The following AFF4 variants were observed in gnomAD, a reference collection of about 807,000 sequenced individuals.
AFF4 encodes AF4/FMR2 family member 4.
In AFF4, 13 loss-of-function variants were observed where a neutral mutation model predicts 124.8. The observed-to-expected ratio is 0.10, with a 90% CI of 0.07 to 0.17. The LOEUF (loss-of-function observed/expected upper bound fraction) is 0.17. AFF4 is among the 10% of genes least tolerant of loss of function. The pLI, the probability that AFF4 is intolerant of heterozygous loss-of-function variation, is 1.00. For missense variants in AFF4, 1,092 were observed against 1,403.8 expected, an observed-to-expected ratio of 0.78 and a Z score of 3.55; for synonymous variants, 477 against 496.1, an observed-to-expected ratio of 0.96 and a Z score of 0.51.
chr5:132,898,481 T>A (rs1237806726), intron 9 of AFF4, 89 bp from the exon 10 acceptor site: 5 of 1,371,644 alleles, frequency 3.6e-6, no homozygotes, highest in East Asian at 2.4e-5. Flanking sequence ...TTTCTTTTTT[T>A]CTTCTTGTCT....
intron 5 of AFF4, among the ~76,000 whole-genome samples, chr5:132,921,840 G>A (rs993674362): frequency 4.6e-5 from 7 of 151,972 alleles, no homozygotes; most frequent in Non-Finnish European, 1.0e-4. Context: ...GAGAGCAGTG[G>A]CATGATCTCT....
Position 132,881,205 on chromosome 5 carries a change from T to C in AFF4, c.3365-19A>G. The C allele has an allele frequency of 6.2e-7, 1 of 1,611,958 alleles. No individual in the cohort carries two copies. The highest frequency in any genetic ancestry group is 8.5e-7 in the Non-Finnish European group (1 of 1,178,804). ...AAGAATTCTAGAAAACCAAAAACAT[T>C]CATTAAATGATATATACTCTTTTGA... On this transcript the variant is annotated intron_variant, in intron 20 of 20. Coordinates refer to ENST00000265343, the MANE Select transcript of AFF4 (RefSeq NM_014423.4).
chr5:132,924,153 C>G (rs569900309), intron 5 of AFF4, among the ~76,000 whole-genome samples: 2 of 151,934 alleles, frequency 1.3e-5, no homozygotes, highest in African/African-American at 4.8e-5. Flanking sequence ...ACTTAGGAGG[C>G]TGAGGCAGGA....
intron 5 of AFF4, 50 bp from the exon 6 acceptor site, chr5:132,904,454 A>G: frequency 1.3e-6 from 2 of 1,486,774 alleles, no homozygotes; most frequent in Non-Finnish European, 1.8e-6. Context: ...AAAAAGAAAG[A>G]TTAGTGAAAA....
intron 1 of AFF4, among the ~76,000 whole-genome samples, chr5:132,954,332 C>T (rs1329954948): frequency 2.6e-5 from 4 of 152,214 alleles, no homozygotes; most frequent in Admixed American, 2.6e-4. Context: ...CGGCAGAGTT[C>T]CCTCGACCCC....
At position 132,881,044 on chromosome 5, in the gene AFF4, G is replaced by A; in HGVS notation, c.*15C>T. 8.7e-6 allele frequency: 14 copies of A among 1,608,656 alleles called. No homozygotes were observed. Among genetic ancestry groups the A allele is most frequent in the South Asian group, 2.2e-5 (2 of 89,840 alleles). ...TGTTGTGGAGAAAATCAGAGGCAAC[G>A]AGAATGTGTTCAGTTCAAGATATCA... On this transcript the variant is annotated 3_prime_UTR_variant, in exon 21 of 21. Transcript: ENST00000265343.
intron 2 of AFF4, 144 bp downstream of exon 2, chr5:132,936,923 T>C: frequency 9.0e-7 from 1 of 1,108,252 alleles, no homozygotes; most frequent in Non-Finnish European, 1.2e-6. Context: ...CCCCAAAAAA[T>C]ATCTTCTATG....
chr5:132,937,703 G>C (rs1248275522), intron 1 of AFF4: 2 of 152,014 alleles, frequency 1.3e-5, no homozygotes, highest in Non-Finnish European at 2.9e-5. Context: ...CCATCCTTAC[G>C]GTAGTTTGAC....
At chr5:132,887,359 T>A (rs1760142981) in intron 17 of AFF4, among the ~76,000 whole-genome samples, 162 bp downstream of exon 17, 1 of 152,208 alleles carries the variant, frequency 6.6e-6, no homozygotes. Flanking sequence ...CTCAAACCTT[T>A]CAGTAGGAAT....
chr5:132,928,377 T>C (rs1228580433), intron 4 of AFF4, among the ~76,000 whole-genome samples: 1 of 152,102 alleles, frequency 6.6e-6, no homozygotes, highest in African/African-American at 2.4e-5. Flanking sequence ...CAAAAAAATA[T>C]TTCCACAAGG....
chr5:132,917,162 G>A (rs763153304), intron 5 of AFF4, among the ~76,000 whole-genome samples: 7 of 151,894 alleles, frequency 4.6e-5, no homozygotes, highest in South Asian at 4.2e-4. Context: ...CAGGTGATCC[G>A]CCTGCCTCAG....
chr5:132,885,173 G>C, intron 18 of AFF4, 54 bp from the exon 19 acceptor site: 1 of 1,374,856 alleles, frequency 7.3e-7, no homozygotes, highest in Admixed American at 2.1e-5. Context: ...ACTACTTTAA[G>C]AAGTTCTAAA....
In AFF4 at chr5:132,934,790, G is replaced by A. The variant is rs778839933; in HGVS notation, c.275C>T (p.Pro92Leu). ...VPPSADEKSN[P>L]NFFEQRHGGS... ...TCCATGTCTCTGTTCAAAGAAATTT[G>A]GGTTAGATTTTTCATCTGCTGATGG... The change falls in exon 3 of 21, where the codon CCA becomes CTA. Residue 92 changes from proline to leucine, a missense_variant. Coordinates refer to ENST00000265343, the MANE Select transcript of AFF4 (RefSeq NM_014423.4). 1 of 1,614,080 alleles carries A rather than the reference G, an allele frequency of 6.2e-7. No individual in the cohort carries two copies.
intron 5 of AFF4, among the ~76,000 whole-genome samples, chr5:132,910,626 GCTATCGGTAAGAAGCAAC>G (rs546228264): frequency 6.8e-4 from 103 of 152,272 alleles, no homozygotes; most frequent in African/African-American, 2.5e-3. Context: ...AATGAGATAA[GCTATCGGTAAGAAGCAAC>G]CCACCTTAGC....
chr5:132,889,064 A>G lies in AFF4; in HGVS notation c.2732+15T>C, dbSNP rs1325896312. The stretch of plus-strand genomic sequence containing the variant: ...CATTTCTTAAATACAGATACAAAAA[A>G]TCATATTATCTCACCTGTCATCAAA... On this transcript the variant is annotated intron_variant, in intron 14 of 20. Transcript: ENST00000265343. 1 of 1,595,910 alleles carries G rather than the reference A, an allele frequency of 6.3e-7. No homozygotes were observed. Among genetic ancestry groups the G allele is most frequent in the East Asian group, 2.2e-5 (1 of 44,814 alleles).
Position 132,934,509 on chromosome 5 carries a change from C to T in AFF4, c.556G>A (p.Ala186Thr), listed in dbSNP as rs1357170285. ...TGACTAGAGTTTAATGAAGAAACAG[C>T]CTGGGGTTTTCCAGGGCTGGAAGAA... ...SRSSSPGKPQAVSSLNSSHSR... is the reference protein window; with the variant it reads ...SRSSSPGKPQTVSSLNSSHSR... The change falls in exon 3 of 21, where the codon GCT (alanine) becomes ACT (threonine). Residue 186 changes from alanine (A) to threonine (T), a missense_variant. Physicochemically the swap from Ala to Thr is moderately conservative, Grantham distance 58. This residue lies in a region of AFF4 where 188 missense variants were observed against 203.0 expected (regional missense o/e 0.93). Coordinates refer to ENST00000265343, the MANE Select transcript of AFF4 (RefSeq NM_014423.4). 3 of 1,613,986 alleles carry T rather than the reference C, an allele frequency of 1.9e-6. No individual in the cohort carries two copies. The highest frequency in any genetic ancestry group is 3.3e-5 in the Admixed American group (2 of 59,974).
chr5:132,899,952 GCA>G (rs559577367), intron 7 of AFF4, among the ~76,000 whole-genome samples: 66 of 152,132 alleles, frequency 4.3e-4, no homozygotes, highest in African/African-American at 1.3e-3. Context: ...TCCCCTAGTT[GCA>G]CACACACATT....
chr5:132,892,950 G>T, intron 12 of AFF4, 80 bp downstream of exon 12: 2 of 1,330,370 alleles, frequency 1.5e-6, no homozygotes, highest in South Asian at 1.2e-5. Flanking sequence ...GGAACACTCA[G>T]AGCATGTCAG....
chr5:132,935,858 G>A (rs1244402516), intron 2 of AFF4, among the ~76,000 whole-genome samples: 1 of 151,664 alleles, frequency 6.6e-6, no homozygotes, highest in Admixed American at 6.6e-5. Context: ...AGAAGTCAGT[G>A]GTGGCAATGA....
Sources: gnomAD v4.1 joint callset for allele counts (sites outside exome capture counted in the v4.1 genomes callset) on GRCh38, gnomAD v4.1.1 for gene constraint, gnomAD v4.1.1 regional missense constraint, MANE v1.5 for transcripts, NCBI Gene and HGNC (gene_info 2026-07-23, HGNC 2026-07-21) for gene names.